The following AKT3 variants were observed in gnomAD, a reference collection of about 807,000 sequenced individuals.
The protein encoded by AKT3 is AKT serine/threonine kinase 3.
In AKT3, 15 loss-of-function variants were observed where a neutral mutation model predicts 65.3. That is an observed-to-expected ratio of 0.23 (90% confidence interval 0.15 to 0.35). AKT3 has a LOEUF of 0.35. AKT3 is among the 10% of genes least tolerant of loss of function. The pLI is 1.00. For synonymous variants in AKT3, 206 were observed against 183.8 expected, an observed-to-expected ratio of 1.12 and a Z score of -0.98; for missense variants, 243 against 576.5, an observed-to-expected ratio of 0.42 and a Z score of 5.92.
rs569269322 is a variant in AKT3, at chr1:243,557,428, C to G, written c.949-4485G>C. 3.7e-3 allele frequency among the ~76,000 whole-genome samples: 559 copies of G among 152,104 alleles called. 2 individuals carry two copies. The highest frequency in any genetic ancestry group is 5.7e-3 in the Non-Finnish European group (385 of 67,944). On this transcript the variant is annotated intron_variant, in intron 10 of 13. Coordinates refer to ENST00000673466, the MANE Select transcript of AKT3 (RefSeq NM_005465.7). Reference sequence around the variant, plus strand: ...CTGTTAAAGCCAAAAGACCATATAACATTGAAAAGAAGTTAGGGCGAAAAA... The same window carrying G: ...CTGTTAAAGCCAAAAGACCATATAAGATTGAAAAGAAGTTAGGGCGAAAAA...
At chr1:243,672,425 C>T (rs1683216483) in intron 3 of AKT3, among the ~76,000 whole-genome samples, 1 of 152,186 alleles carries the variant, frequency 6.6e-6, no homozygotes, top group Non-Finnish European at 1.5e-5. Context: ...TTTGTCTGAA[C>T]CATTTGCGTT....
intron 12 of AKT3, among the ~76,000 whole-genome samples, chr1:243,542,609 T>G (rs867790205): frequency 6.6e-6 from 1 of 152,198 alleles, no homozygotes; most frequent in African/African-American, 2.4e-5. Context: ...ATGAATTGAC[T>G]TTTACAATAA....
At chr1:243,667,383 A>G (rs755790876) in intron 3 of AKT3, among the ~76,000 whole-genome samples, 2 of 151,998 alleles carry the variant, frequency 1.3e-5, no homozygotes, top group Non-Finnish European at 2.9e-5. Context: ...GCCAACCTCT[A>G]CTGTGGCTTC....
chr1:243,657,834 AT>A (rs1681931647), intron 4 of AKT3, among the ~76,000 whole-genome samples: 2 of 152,020 alleles, frequency 1.3e-5, no homozygotes, highest in African/African-American at 4.8e-5. Flanking sequence ...TAATAAAACC[AT>A]ATATATATAC....
chr1:243,758,422 T>TA (rs1473258306), intron 2 of AKT3, among the ~76,000 whole-genome samples: 1 of 152,094 alleles, frequency 6.6e-6, no homozygotes, highest in African/African-American at 2.4e-5. Flanking sequence ...AGCAAGGCTT[T>TA]AAGATGGAAA....
intron 8 of AKT3, among the ~76,000 whole-genome samples, chr1:243,595,831 AT>A (rs561116731): frequency 2.6e-5 from 4 of 151,570 alleles, no homozygotes; most frequent in East Asian, 1.9e-4. Context: ...ACAGTTACCT[AT>A]TTTTTTTTAA....
chr1:243,760,282 C>CTGTTTT (rs1689402221), intron 2 of AKT3, among the ~76,000 whole-genome samples: 1 of 80,914 alleles, frequency 1.2e-5, no homozygotes, highest in Admixed American at 2.0e-4. Context: ...CTATATCTGG[C>CTGTTTT]TTTTTTTTTT....
At chr1:243,694,390 T>C (rs1684922534) in intron 3 of AKT3, among the ~76,000 whole-genome samples, 1 of 152,154 alleles carries the variant, frequency 6.6e-6, no homozygotes. Flanking sequence ...AATAATTTTC[T>C]ATTGAAAGAA....
At chr1:243,494,135 T>C (rs1468134673) in intron 13 of AKT3, among the ~76,000 whole-genome samples, 1 of 152,122 alleles carries the variant, frequency 6.6e-6, no homozygotes, top group Non-Finnish European at 1.5e-5. Context: ...ATAAAATAAA[T>C]TAAAAAGCCT....
At chr1:243,786,377 A>C (rs1691262121) in intron 2 of AKT3, among the ~76,000 whole-genome samples, 1 of 152,212 alleles carries the variant, frequency 6.6e-6, no homozygotes, top group Non-Finnish European at 1.5e-5. Context: ...CAAGTTTGTA[A>C]AAAAAGAATA....
In AKT3 at chr1:243,505,232, A is replaced by G; in HGVS notation, c.*17T>C. The G allele has an allele frequency of 1.2e-6, 2 of 1,600,370 alleles. No individual in the cohort carries two copies. Among genetic ancestry groups the G allele is most frequent in the Non-Finnish European group, 1.7e-6 (2 of 1,167,490 alleles). Reference sequence around the variant, plus strand: ...AATAAATTGAAGATGACAGTGAAGTAGCAGAATGAAAGAGACTTATTCTCG... The same window carrying G: ...AATAAATTGAAGATGACAGTGAAGTGGCAGAATGAAAGAGACTTATTCTCG... On this transcript the variant is annotated 3_prime_UTR_variant, in exon 14 of 14. Transcript: ENST00000673466.
At chr1:243,737,538 T>C (rs1395610479) in intron 2 of AKT3, among the ~76,000 whole-genome samples, 1 of 151,926 alleles carries the variant, frequency 6.6e-6, no homozygotes, top group African/African-American at 2.4e-5. Context: ...AATGAAGAAG[T>C]AGAAAGCAAA....
intron 6 of AKT3, among the ~76,000 whole-genome samples, chr1:243,624,128 A>G (rs1415485148): frequency 6.6e-6 from 1 of 152,208 alleles, no homozygotes; most frequent in Admixed American, 6.5e-5. Context: ...AAAGCATGGC[A>G]AAAACATTGT....
chr1:243,512,252 A>G (rs1199135573), intron 13 of AKT3, 72 bp downstream of exon 13: 3 of 805,200 alleles, frequency 3.7e-6, no homozygotes, highest in Non-Finnish European at 5.8e-6. Flanking sequence ...AGTTTTTAAA[A>G]GACTGTTTTC....
intron 8 of AKT3, among the ~76,000 whole-genome samples, chr1:243,595,139 T>C (rs969383835): frequency 2.6e-5 from 4 of 152,232 alleles, no homozygotes; most frequent in Non-Finnish European, 5.9e-5. Context: ...TACATAAACC[T>C]AAATGGCATA....
chr1:243,818,504 T>G (rs970465441), intron 2 of AKT3, among the ~76,000 whole-genome samples: 1 of 152,110 alleles, frequency 6.6e-6, no homozygotes, highest in Non-Finnish European at 1.5e-5. Context: ...CAAGAACAAT[T>G]TTTTACTCCT....
intron 2 of AKT3, among the ~76,000 whole-genome samples, chr1:243,776,508 G>GT (rs1690558137): frequency 6.6e-6 from 1 of 152,138 alleles, no homozygotes; most frequent in Non-Finnish European, 1.5e-5. Flanking sequence ...GGCACAGCAA[G>GT]AAGCCAGAAA....
intron 8 of AKT3, among the ~76,000 whole-genome samples, chr1:243,583,307 G>T (rs1675543138): frequency 6.7e-6 from 1 of 148,278 alleles, no homozygotes; most frequent in Non-Finnish European, 1.5e-5. Context: ...TCTACAAAAA[G>T]ACATAGACAG....
intron 4 of AKT3, among the ~76,000 whole-genome samples, chr1:243,658,845 CAG>C (rs1253433162): frequency 8.8e-6 from 1 of 113,366 alleles, no homozygotes; most frequent in Non-Finnish European, 1.7e-5. Context: ...CCTGGCAACA[CAG>C]AGAAACCTTG....
Sources: gnomAD v4.1 joint callset for allele counts (sites outside exome capture counted in the v4.1 genomes callset) on GRCh38, gnomAD v4.1.1 for gene constraint, MANE v1.5 for transcripts, NCBI Gene and HGNC (gene_info 2026-07-23, HGNC 2026-07-21) for gene names.